Variants in ATP1A3 observed in about 807,000 individuals in gnomAD.
ATP1A3 encodes the protein ATPase Na+/K+ transporting subunit alpha 3, also known as sodium/potassium-transporting ATPase subunit alpha-3.
A neutral mutation model predicts 108.8 loss-of-function variants in ATP1A3; 12 were observed. The observed-to-expected ratio is 0.11, with a 90% CI of 0.07 to 0.18. The LOEUF (loss-of-function observed/expected upper bound fraction) is 0.18. Ranked by LOEUF, ATP1A3 falls within the 10% of genes least tolerant of loss-of-function variation. The pLI is 1.00. For synonymous variants in ATP1A3, 539 were observed against 564.5 expected, an observed-to-expected ratio of 0.95 and a Z score of 0.64; for missense variants, 498 against 1,387.7, an observed-to-expected ratio of 0.36 and a Z score of 10.19.
rs370771508 is a variant in ATP1A3, at chr19:41,978,613, G to A, written c.1623C>T (p.Arg541=). 3.7e-5 allele frequency: 59 copies of A among 1,613,332 alleles called. No homozygotes were observed. Among genetic ancestry groups the A allele is most frequent in the Admixed American group, 2.5e-4 (15 of 59,996 alleles). The change falls in exon 12 of 23, where the codon CGC becomes CGT. Residue 541 remains arginine, a synonymous_variant. Transcript: ENST00000648268. The surrounding 1 kb of genome is among the most constrained non-coding windows in gnomAD (Gnocchi z 8.3). ...AYLELGGLGE[R]VLGFCHYYLP... ...CGCCCGGCAGCCTCGCACCAAGCACGCGCTCGCCCAGGCCACCGAGCTCAA... is the reference window on the plus strand; with the variant it reads ...CGCCCGGCAGCCTCGCACCAAGCACACGCTCGCCCAGGCCACCGAGCTCAA...
At chr19:41,976,324 C>T (rs890358704) in intron 15 of ATP1A3, 92 bp downstream of exon 15, 49 of 1,556,184 alleles carry the variant, frequency 3.1e-5, no homozygotes, top group Non-Finnish European at 2.0e-5. Context: ...CCCCCAGCCC[C>T]TCCTCCCTCA....
In ATP1A3 at chr19:41,988,640, C is replaced by T. The variant is rs1017685526; in HGVS notation, c.7-78G>A. The T allele has an allele frequency of 1.2e-6, 2 of 1,611,366 alleles. No individual in the cohort carries two copies. Among genetic ancestry groups the T allele is most frequent in the Non-Finnish European group, 1.7e-6 (2 of 1,179,340 alleles). On this transcript the variant is annotated intron_variant, in intron 1 of 22. Transcript: ENST00000648268. The surrounding 1 kb of genome is among the most constrained non-coding windows in gnomAD (Gnocchi z 5.3). ...GGGGTTCCAGGAGGACACCGGCCCT[C>T]CATGCCCCAGCTATCCTCCTGGCCG...
At chr19:41,986,380 C>T in intron 4 of ATP1A3, 151 bp from the exon 5 acceptor site, 1 of 662,908 alleles carries the variant, frequency 1.5e-6, no homozygotes, top group South Asian at 1.8e-5. Flanking sequence ...GTTGGTGTGT[C>T]TGAGTCTCCC....
In ATP1A3 at chr19:41,981,057, C is replaced by T. The variant is rs1403260391; in HGVS notation, c.1437+445G>A. Among the ~76,000 whole-genome samples the T allele has an allele frequency of 2.0e-5, 3 of 149,822 alleles. No homozygotes were observed. Among genetic ancestry groups the T allele is most frequent in the East Asian group, 4.0e-4 (2 of 5,036 alleles). On this transcript the variant is annotated intron_variant, in intron 11 of 22. Coordinates refer to ENST00000648268, the MANE Select transcript of ATP1A3 (RefSeq NM_152296.5). This position sits in a 1 kb window ranked among gnomAD's most constrained non-coding sequence, Gnocchi z 5.0. ...CTGTCACCCAGGCTGGAGTACAGTG[C>T]GTGATGTAGGCTCTCTGCAGCCCCA...
chr19:41,978,407 G>T lies in ATP1A3; in HGVS notation c.1631-81C>A. 2 of 1,512,964 alleles carry T rather than the reference G, an allele frequency of 1.3e-6. No homozygotes were observed. The highest frequency in any genetic ancestry group is 1.8e-6 in the Non-Finnish European group (2 of 1,118,094). 93.7% of individuals were successfully genotyped at this position (1,512,964 alleles called of 1,614,324 possible). On this transcript the variant is annotated intron_variant, in intron 12 of 22. Coordinates refer to ENST00000648268, the MANE Select transcript of ATP1A3 (RefSeq NM_152296.5). The surrounding 1 kb of genome is among the most constrained non-coding windows in gnomAD (Gnocchi z 8.3). ...ATGCCCCTAGATGTCTGCATCGCCCGCATTCCATCTCCCCATCAGCAAGAC... is the reference window on the plus strand; with the variant it reads ...ATGCCCCTAGATGTCTGCATCGCCCTCATTCCATCTCCCCATCAGCAAGAC...
rs148292376 is a variant in ATP1A3 at position 41,967,727 on chromosome 19, C to T, written c.2856G>A (p.Thr952=). The change falls in exon 21 of 23, where the codon ACG becomes ACA. Residue 952 remains threonine (T), a synonymous_variant. Transcript: ENST00000648268. The surrounding 1 kb of genome is among the most constrained non-coding windows in gnomAD (Gnocchi z 4.2). ...KILIFGLFEE[T]ALAAFLSYCP... is the part of the protein sequence containing the mutation. The stretch of plus-strand genomic sequence containing the variant: ...AGTAGGACAGGAAGGCAGCCAGGGC[C>T]GTCTCCTCAAACAGCCCGAAGATCA... The T allele has an allele frequency of 4.3e-5, 69 of 1,613,924 alleles. No individual in the cohort carries two copies. The highest frequency in any genetic ancestry group is 4.1e-4 in the African/African-American group (31 of 74,882).
intron 16 of ATP1A3, among the ~76,000 whole-genome samples, 171 bp from the exon 17 acceptor site, chr19:41,970,713 G>C (rs1348456101): frequency 5.6e-5 from 8 of 143,890 alleles, no homozygotes; most frequent in Non-Finnish European, 9.0e-5. Context: ...CTCACTGCAG[G>C]CTCCGCCTCC....
At position 41,976,416 on chromosome 19, in the gene ATP1A3, C is replaced by G. The variant is rs782060744; in HGVS notation, c.2094G>C (p.Gln698His). ...CCTCCTCTGCGGGAGCGCAGCCCAC[C>G]TGTCTCTGACAGCCCTCCACAATGA... The part of the protein sequence containing the change: ...KLIIVEGCQR[Q>H]GAIVAVTGDG... The change falls in exon 15 of 23, where the codon CAG (glutamine) becomes CAC (histidine). Residue 698 changes from glutamine (Q) to histidine (H), a missense_variant and splice_region_variant. By Grantham distance (24) the Gln-to-His change is conservative (BLOSUM62 0). This residue lies in a region of ATP1A3 where 121 missense variants were observed against 425.1 expected (regional missense o/e 0.28). Transcript: ENST00000648268. 2 of 1,614,212 alleles carry G rather than the reference C, an allele frequency of 1.2e-6. No individual in the cohort carries two copies. Among genetic ancestry groups the G allele is most frequent in the Admixed American group, 3.3e-5 (2 of 60,026 alleles).
Position 41,978,983 on chromosome 19 carries a change from C to A in ATP1A3, c.1438-185G>T, listed in dbSNP as rs1209070990. Among the ~76,000 whole-genome samples the A allele has an allele frequency of 6.6e-6, 1 of 152,072 alleles. No homozygotes were observed. The highest frequency in any genetic ancestry group is 1.5e-5 in the Non-Finnish European group (1 of 68,004). On this transcript the variant is annotated intron_variant, in intron 11 of 22. Coordinates refer to ENST00000648268, the MANE Select transcript of ATP1A3 (RefSeq NM_152296.5). This position sits in a 1 kb window ranked among gnomAD's most constrained non-coding sequence, Gnocchi z 8.3. Reference sequence around the variant, plus strand: ...CTGTCTATGTCATGGATATATATTTCTTTTTCTTTTTCTTTTTTTCTTTTT... The same window carrying A: ...CTGTCTATGTCATGGATATATATTTATTTTTCTTTTTCTTTTTTTCTTTTT...
rs1303853913 is a variant in ATP1A3, at chr19:41,993,831, G to A, written c.6+240C>T. 1.5e-5 allele frequency: 11 copies of A among 717,322 alleles called. No individual in the cohort carries two copies. The Middle Eastern group carries it at 1.2e-3, about 77-fold the overall frequency. The allele number at this position is 717,322 out of a possible 1,614,324, so 44.4% of individuals were successfully genotyped here. A position where few individuals can be genotyped will look rare whatever the true frequency, so the allele number is the denominator to read the frequency against. On this transcript the variant is annotated intron_variant, in intron 1 of 22. Transcript: ENST00000648268. ...CACAAGGTCAGGCGGAGATGCTGAG[G>A]GCTGGCCCACAACCTCGCGGATCTC... is the stretch of plus-strand genomic sequence containing the variant.
Position 41,993,896 on chromosome 19 carries a change from G to A in ATP1A3, c.6+175C>T, listed in dbSNP as rs1398205101. ...TGCCAACGTGCGCCACAGACCCCCC[G>A]CCGCCCCCTGCGGCCCCACGACCAC... On this transcript the variant is annotated intron_variant, in intron 1 of 22. Transcript: ENST00000648268. 7 of 1,222,280 alleles carry A rather than the reference G, an allele frequency of 5.7e-6. No homozygotes were observed. The East Asian group carries it at 1.6e-4, about 29-fold the overall frequency. The allele number at this position is 1,222,280 out of a possible 1,614,324, so 75.7% of individuals were successfully genotyped here.
At position 41,966,610 on chromosome 19, in the gene ATP1A3, A is replaced by G. The variant is rs1555858550; in HGVS notation, c.*327T>C. 2 of 1,447,036 alleles carry G rather than the reference A, an allele frequency of 1.4e-6. No individual in the cohort carries two copies. Among genetic ancestry groups the G allele is most frequent in the Non-Finnish European group, 1.9e-6 (2 of 1,081,022 alleles). 89.6% of individuals were successfully genotyped at this position (1,447,036 alleles called of 1,614,324 possible). On this transcript the variant is annotated 3_prime_UTR_variant, in exon 23 of 23. Transcript: ENST00000648268. Reference sequence around the variant, plus strand: ...TCTCTCCCCACTGATATATTTGATAATTGTCCAGAACCAGAGATGGCATCA... The same window carrying G: ...TCTCTCCCCACTGATATATTTGATAGTTGTCCAGAACCAGAGATGGCATCA...
At position 41,968,372 on chromosome 19, in the gene ATP1A3, G is replaced by C. The variant is rs1157055657; in HGVS notation, c.2819+413C>G. Among the ~76,000 whole-genome samples the C allele has an allele frequency of 6.6e-6, 1 of 152,126 alleles. No homozygotes were observed. The highest frequency in any genetic ancestry group is 2.4e-5 in the African/African-American group (1 of 41,408). On this transcript the variant is annotated intron_variant, in intron 20 of 22. Transcript: ENST00000648268. This position sits in a 1 kb window ranked among gnomAD's most constrained non-coding sequence, Gnocchi z 5.0. ...AAAATACGAAAAATTAGCCGAGCCT[G>C]GTGGTGCGTACCTGTAATCCCAGCT...
chr19:41,990,656 C>T (rs533957445), intron 1 of ATP1A3, among the ~76,000 whole-genome samples: 30 of 134,574 alleles, frequency 2.2e-4, no homozygotes, highest in Non-Finnish European at 4.4e-4. Flanking sequence ...CTCTCTCTCT[C>T]TTTCTCTCTC....
chr19:41,977,017 A>T (rs1377326131), intron 14 of ATP1A3, among the ~76,000 whole-genome samples: 3 of 151,678 alleles, frequency 2.0e-5, no homozygotes, highest in Non-Finnish European at 4.4e-5. Flanking sequence ...CATGTTGGCC[A>T]GGCTGCTCTC....
chr19:41,984,841 C>T, intron 8 of ATP1A3, 77 bp downstream of exon 8: 1 of 1,501,164 alleles, frequency 6.7e-7, no homozygotes, highest in Non-Finnish European at 9.0e-7. Flanking sequence ...GGTCCAGGAT[C>T]CCAGCCCCTC....
intron 4 of ATP1A3, 31 bp downstream of exon 4, chr19:41,987,905 G>A: frequency 6.2e-7 from 1 of 1,610,466 alleles, no homozygotes; most frequent in Non-Finnish European, 8.5e-7. Flanking sequence ...AATGTGCAGA[G>A]CCTTGCACAG....
chr19:41,967,092 G>C lies in ATP1A3; in HGVS notation c.3014-127C>G. The C allele has an allele frequency of 6.4e-7, 1 of 1,552,308 alleles. No individual in the cohort carries two copies. Among genetic ancestry groups the C allele is most frequent in the South Asian group, 1.2e-5 (1 of 84,042 alleles). On this transcript the variant is annotated intron_variant, in intron 22 of 22. Coordinates refer to ENST00000648268, the MANE Select transcript of ATP1A3 (RefSeq NM_152296.5). The surrounding 1 kb of genome is among the most constrained non-coding windows in gnomAD (Gnocchi z 4.2). ...AAGGAAACCACACAGACAGAGACCC[G>C]TGAGAAGACAGAGTGGGTGCCCGGA...
intron 11 of ATP1A3, among the ~76,000 whole-genome samples, chr19:41,979,765 A>G (rs2075210789): frequency 6.6e-6 from 1 of 152,248 alleles, no homozygotes; most frequent in Admixed American, 6.5e-5. Flanking sequence ...ATGCTCTAAA[A>G]TTGACTATGT....
Sources: gnomAD v4.1 joint callset for allele counts (sites outside exome capture counted in the v4.1 genomes callset) on GRCh38, gnomAD v4.1.1 for gene constraint, gnomAD v4.1.1 regional missense constraint, Gnocchi (gnomAD v3.1) non-coding constraint, MANE v1.5 for transcripts, NCBI Gene and HGNC (gene_info 2026-07-23, HGNC 2026-07-21) for gene names.